Variants in CALN1 observed in about 807,000 individuals in gnomAD.
CALN1 encodes calneuron 1, also known as calcium-binding protein 8.
In CALN1, 17 loss-of-function variants were observed where a neutral mutation model predicts 30.6. That is an observed-to-expected ratio of 0.56 (90% CI 0.38 to 0.83). The LOEUF (loss-of-function observed/expected upper bound fraction) is 0.83. Among genes scored for constraint, CALN1 ranks in the 40% least tolerant of loss-of-function variants. The pLI, the probability that CALN1 is intolerant of heterozygous loss-of-function variation, is 0.00. For missense variants in CALN1, 291 were observed against 354.9 expected (o/e 0.82, Z 1.45); for synonymous variants, 156 against 131.4 (o/e 1.19, Z -1.28).
At chr7:72,125,981 A>C (rs955300562) in intron 3 of CALN1, among the ~76,000 whole-genome samples, 2 of 151,756 alleles carry the variant, frequency 1.3e-5, no homozygotes. Flanking sequence ...TTGTATCTTT[A>C]GTAGAGATGA....
rs142607076 is a variant in CALN1, at chr7:72,397,714, T to TCTCTCTCACACACA, written c.119+5536_119+5537insTGTGTGTGAGAGAG. Among the ~76,000 whole-genome samples the TCTCTCTCACACACA allele has an allele frequency of 4.7e-3, 673 of 142,906 alleles. 7 individuals are homozygous for TCTCTCTCACACACA. The highest frequency in any genetic ancestry group is 0.017 in the African/African-American group (645 of 38,222). The allele number at this position is 142,906 out of a possible 152,430, so 93.8% of individuals were successfully genotyped here. On this transcript the variant is annotated intron_variant, in intron 2 of 6. Coordinates refer to ENST00000395275, the MANE Select transcript of CALN1 (RefSeq NM_031468.4). ...GATCTTGGAGAGCACCCATTCTCTC[T>TCTCTCTCACACACA]CACACACACACACACACACACACAC... is the stretch of plus-strand genomic sequence containing the variant.
Position 71,780,207 on chromosome 7 carries a change from A to T in CALN1, c.*7568T>A, listed in dbSNP as rs1418911595. On this transcript the variant is annotated 3_prime_UTR_variant, in exon 7 of 7. Transcript: ENST00000395275. Reference sequence around the variant, plus strand: ...TAAGGACCCCTGAAAGCTGATTTTGAGCTAAGAAAGAGAAAATATGCTTTA... The same window carrying T: ...TAAGGACCCCTGAAAGCTGATTTTGTGCTAAGAAAGAGAAAATATGCTTTA... The T allele has an allele frequency of 6.6e-6, 1 of 152,224 alleles. No homozygotes were observed. Among genetic ancestry groups the T allele is most frequent in the Non-Finnish European group, 1.5e-5 (1 of 68,034 alleles). The allele number at this position is 152,224 out of a possible 1,614,324, so 9.4% of individuals were successfully genotyped here. A position where few individuals can be genotyped will look rare whatever the true frequency, so the allele number is the denominator to read the frequency against.
chr7:72,490,952 A>G, the CALN1 span, among the ~76,000 whole-genome samples: 1 of 152,224 alleles, frequency 6.6e-6, no homozygotes, highest in Non-Finnish European at 1.5e-5. Flanking sequence ...AGTGCTTAAA[A>G]TGATGCTCAA....
chr7:71,904,955 T>C (rs1451565894), intron 5 of CALN1, among the ~76,000 whole-genome samples: 1 of 152,210 alleles, frequency 6.6e-6, no homozygotes, highest in African/African-American at 2.4e-5. Context: ...GATTTATTTA[T>C]TGAGACGGGG....
intron 2 of CALN1, among the ~76,000 whole-genome samples, chr7:72,301,893 G>A (rs893398890): frequency 1.2e-4 from 19 of 152,068 alleles, no homozygotes; most frequent in Admixed American, 7.2e-4. Context: ...GACCAAACAA[G>A]GATTGCCAGA....
chr7:72,150,127 CAAAA>C (rs61261132), intron 3 of CALN1, among the ~76,000 whole-genome samples: 37 of 137,184 alleles, frequency 2.7e-4, no homozygotes, highest in African/African-American at 3.5e-4. Context: ...AACTCCATCT[CAAAA>C]AAAAAAAAAA....
At chr7:72,313,164 G>T (rs10464195) in intron 2 of CALN1, among the ~76,000 whole-genome samples, 28,171 of 151,952 alleles carry the variant, frequency 0.19, 3,638 homozygotes, top group East Asian at 0.41. Flanking sequence ...TTAAACCAGG[G>T]TGGCACTGGA....
chr7:71,871,765 T>C (rs1791945233), intron 5 of CALN1, among the ~76,000 whole-genome samples: 1 of 152,130 alleles, frequency 6.6e-6, no homozygotes, highest in Non-Finnish European at 1.5e-5. Flanking sequence ...TCACTCACTC[T>C]CCACTCTTAT....
chr7:72,481,701 T>C, the CALN1 span, among the ~76,000 whole-genome samples: 2 of 152,236 alleles, frequency 1.3e-5, no homozygotes, highest in African/African-American at 4.8e-5. Context: ...ACTTTTGATT[T>C]CTTCTTTAAC....
intron 5 of CALN1, among the ~76,000 whole-genome samples, chr7:71,821,883 G>C (rs1003801287): frequency 6.6e-5 from 10 of 151,108 alleles, no homozygotes; most frequent in African/African-American, 2.4e-4. Flanking sequence ...GACCTCCTGG[G>C]CTCAAGCAAT....
chr7:71,919,037 C>T (rs1167671139), intron 5 of CALN1, among the ~76,000 whole-genome samples: 5 of 152,160 alleles, frequency 3.3e-5, no homozygotes, highest in African/African-American at 7.2e-5. Flanking sequence ...ATAATGATGT[C>T]TGCTTTTGAA....
chr7:72,120,037 G>C (rs527730871), intron 3 of CALN1, among the ~76,000 whole-genome samples: 1 of 152,058 alleles, frequency 6.6e-6, no homozygotes, highest in Non-Finnish European at 1.5e-5. Context: ...GAGGCTTGGG[G>C]CAAGAATGAC....
At chr7:72,158,854 A>ATTTGTTTG (rs907988321) in intron 3 of CALN1, among the ~76,000 whole-genome samples, 2 of 151,680 alleles carry the variant, frequency 1.3e-5, no homozygotes, top group African/African-American at 4.8e-5. Flanking sequence ...TTATTTATTT[A>ATTTGTTTG]TTTGTTTGTT....
intron 3 of CALN1, among the ~76,000 whole-genome samples, chr7:72,217,758 G>C (rs1321710314): frequency 6.6e-6 from 1 of 150,972 alleles, no homozygotes; most frequent in Non-Finnish European, 1.5e-5. Context: ...TGGGAGGATT[G>C]CTTGAGGCCA....
intron 5 of CALN1, among the ~76,000 whole-genome samples, chr7:71,915,949 C>A (rs1207521704): frequency 2.0e-5 from 3 of 152,130 alleles, no homozygotes; most frequent in East Asian, 1.9e-4. Context: ...ATGTCACAAC[C>A]CAAGCCCCAC....
intron 3 of CALN1, among the ~76,000 whole-genome samples, chr7:72,255,148 C>A (rs946973477): frequency 6.6e-6 from 1 of 150,622 alleles, no homozygotes; most frequent in Non-Finnish European, 1.5e-5. Flanking sequence ...TGCAGTGGCA[C>A]GATCTCAGTT....
chr7:72,308,240 T>C (rs923937281), intron 2 of CALN1, among the ~76,000 whole-genome samples: 1 of 152,044 alleles, frequency 6.6e-6, no homozygotes, highest in African/African-American at 2.4e-5. Flanking sequence ...GGTATACACC[T>C]GTAATTTCAG....
chr7:71,866,542 A>G (rs1317761521), intron 5 of CALN1, among the ~76,000 whole-genome samples: 1 of 152,174 alleles, frequency 6.6e-6, no homozygotes, highest in Non-Finnish European at 1.5e-5. Flanking sequence ...GATATTGGAA[A>G]GAGATTTTAT....
At chr7:72,401,313 C>T (rs1025753866) in intron 2 of CALN1, among the ~76,000 whole-genome samples, 1 of 152,148 alleles carries the variant, frequency 6.6e-6, no homozygotes, top group African/African-American at 2.4e-5. Flanking sequence ...CTCCCCTCCA[C>T]ATCCAACTCC....
Sources: allele counts gnomAD v4.1 joint callset (sites outside exome capture counted in the v4.1 genomes callset), GRCh38; gene constraint gnomAD v4.1.1; transcripts MANE v1.5; gene names NCBI Gene and HGNC (gene_info 2026-07-23, HGNC 2026-07-21).